Variants in PDE1C observed in about 807,000 individuals in gnomAD.
The protein encoded by PDE1C is phosphodiesterase 1C, also known as dual specificity calcium/calmodulin-dependent 3',5'-cyclic nucleotide phosphodiesterase 1C.
Under a neutral mutation model 93.1 loss-of-function variants are expected in PDE1C, and 62 were observed. The ratio of observed to expected loss-of-function variants is 0.67; its 90% CI spans 0.54 to 0.82. The LOEUF is 0.82. Among genes scored for constraint, PDE1C ranks in the 40% least tolerant of loss-of-function variants. The pLI is 0.00. For synonymous variants in PDE1C, 325 were observed against 310.1 expected (o/e 1.05, Z -0.50); for missense variants, 742 against 884.6 (o/e 0.84, Z 2.04).
At chr7:32,131,289 T>C (rs898117316) in intron 3 of PDE1C, among the ~76,000 whole-genome samples, 1 of 152,190 alleles carries the variant, frequency 6.6e-6, no homozygotes, top group East Asian at 1.9e-4. Context: ...TTTTGCCAGA[T>C]AGACATTTTT....
the PDE1C span, among the ~76,000 whole-genome samples, chr7:31,702,607 C>A: frequency 6.6e-6 from 1 of 152,204 alleles, no homozygotes; most frequent in East Asian, 1.9e-4. Context: ...ATACCCAAAA[C>A]TTTGTCATCT....
chr7:32,195,382 T>C (rs1292065487), intron 2 of PDE1C, among the ~76,000 whole-genome samples: 6 of 152,224 alleles, frequency 3.9e-5, no homozygotes, highest in Non-Finnish European at 7.3e-5. Flanking sequence ...CTGAGGAATA[T>C]TTTTGCTGAT....
chr7:31,823,016 A>C (rs1789169365), intron 14 of PDE1C, 57 bp downstream of exon 14: 2 of 1,421,748 alleles, frequency 1.4e-6, no homozygotes, highest in African/African-American at 1.4e-5. Flanking sequence ...CACATAACTC[A>C]GAGAGGACAA....
intron 2 of PDE1C, among the ~76,000 whole-genome samples, chr7:32,036,947 T>G (rs1194136770): frequency 6.6e-6 from 1 of 152,216 alleles, no homozygotes; most frequent in Admixed American, 6.5e-5. Context: ...TTAACAGACC[T>G]TGCTGGTAAT....
At chr7:31,732,605 A>T in the PDE1C span, among the ~76,000 whole-genome samples, 2 of 134,416 alleles carry the variant, frequency 1.5e-5, no homozygotes, top group Non-Finnish European at 3.0e-5. Context: ...CAATTCCTTT[A>T]AATCTTTCTC....
At chr7:31,816,237 A>G (rs1424960629) in intron 14 of PDE1C, 83 bp from the exon 15 acceptor site, 1 of 1,252,950 alleles carries the variant, frequency 8.0e-7, no homozygotes, top group African/African-American at 1.5e-5. Flanking sequence ...TTTAGTACAC[A>G]AAGAGTATCT....
chr7:31,739,541 G>A, the PDE1C span, among the ~76,000 whole-genome samples: 1 of 152,148 alleles, frequency 6.6e-6, no homozygotes, highest in South Asian at 2.1e-4. Context: ...CGGCTGCTAG[G>A]ATATGCACTT....
At position 31,893,499 on chromosome 7, in the gene PDE1C, C is replaced by T. The variant is rs139742920; in HGVS notation, c.129-12639G>A. On this transcript the variant is annotated intron_variant, in intron 2 of 17. Transcript: ENST00000396191. ...TACTTATGCAGTCCCATCTCACTTG[C>T]CAGCACCACCTCCCTTTCTTTGTAG... The T allele has an allele frequency of 3.2e-3, 3,141 of 984,514 alleles. 6 individuals carry two copies. The highest frequency in any genetic ancestry group is 3.4e-3 in the Non-Finnish European group (2,795 of 829,220). The allele number at this position is 984,514 out of a possible 1,614,324, so 61.0% of individuals were successfully genotyped here. A position where few individuals can be genotyped will look rare whatever the true frequency, so the allele number is the denominator to read the frequency against.
At chr7:31,686,309 G>T in the PDE1C span, among the ~76,000 whole-genome samples, 103 of 152,222 alleles carry the variant, frequency 6.8e-4, no homozygotes, top group African/African-American at 2.2e-3. Context: ...CTCCTCCAGT[G>T]AGCAGACCCA....
chr7:31,837,783 G>T, intron 10 of PDE1C, 87 bp downstream of exon 10: 1 of 814,626 alleles, frequency 1.2e-6, no homozygotes. Flanking sequence ...TGTGTTAAAG[G>T]AGATGCTCTT....
At chr7:32,049,736 A>G (rs1793096404) in intron 2 of PDE1C, among the ~76,000 whole-genome samples, 1 of 152,188 alleles carries the variant, frequency 6.6e-6, no homozygotes, top group Non-Finnish European at 1.5e-5. Flanking sequence ...ATAACACCCA[A>G]GTCAAGTACA....
chr7:31,773,870 C>T (rs1795662035), intron 17 of PDE1C, among the ~76,000 whole-genome samples: 1 of 152,162 alleles, frequency 6.6e-6, no homozygotes, highest in Non-Finnish European at 1.5e-5. Flanking sequence ...GACTTAGAAG[C>T]AAACCATTGT....
At chr7:31,661,250 A>G in the PDE1C span, among the ~76,000 whole-genome samples, 6 of 152,198 alleles carry the variant, frequency 3.9e-5, no homozygotes, top group African/African-American at 9.7e-5. Context: ...AACAATGTCA[A>G]TTAGAAAGTG....
intron 17 of PDE1C, among the ~76,000 whole-genome samples, chr7:31,758,627 G>T (rs555347824): frequency 6.6e-6 from 1 of 152,296 alleles, no homozygotes; most frequent in African/African-American, 2.4e-5. Flanking sequence ...CTAACGTGAA[G>T]TAAAGAGTTG....
At chr7:31,877,395 T>C (rs567832351) in intron 5 of PDE1C, among the ~76,000 whole-genome samples, 139 of 152,216 alleles carry the variant, frequency 9.1e-4, no homozygotes, top group African/African-American at 3.3e-3. Context: ...TTTGGCTCAG[T>C]GAGAGTCTTT....
chr7:32,091,936 C>T (rs987957016), intron 3 of PDE1C, among the ~76,000 whole-genome samples: 2 of 152,002 alleles, frequency 1.3e-5, no homozygotes, highest in Non-Finnish European at 2.9e-5. Context: ...CTCAGTCAGG[C>T]GGTAGCCATG....
the PDE1C span, chr7:31,643,288 TCA>T: frequency 6.2e-7 from 1 of 1,613,826 alleles, no homozygotes; most frequent in East Asian, 2.2e-5. Flanking sequence ...AGAAAGCTCA[TCA>T]CAGTGTATCC....
At chr7:32,031,937 G>A (rs751438453) in intron 2 of PDE1C, among the ~76,000 whole-genome samples, 1 of 152,084 alleles carries the variant, frequency 6.6e-6, no homozygotes, top group Non-Finnish European at 1.5e-5. Flanking sequence ...ATTCCTGGAG[G>A]CTGTAAAATG....
chr7:31,700,973 A>G, the PDE1C span, among the ~76,000 whole-genome samples: 3 of 152,196 alleles, frequency 2.0e-5, no homozygotes, highest in Non-Finnish European at 4.4e-5. Flanking sequence ...GCTCTGATGG[A>G]GGCACACAAG....
Sources: gnomAD v4.1 joint callset for allele counts (sites outside exome capture counted in the v4.1 genomes callset) on GRCh38, gnomAD v4.1.1 for gene constraint, MANE v1.5 for transcripts, NCBI Gene and HGNC (gene_info 2026-07-23, HGNC 2026-07-21) for gene names.